Variants in LIN7A observed in about 807,000 individuals in gnomAD.
LIN7A encodes protein lin-7 homolog A.
A neutral mutation model predicts 29.8 loss-of-function variants in LIN7A; 25 were observed. That is an observed-to-expected ratio of 0.84 (90% CI 0.61 to 1.17). The LOEUF is 1.17. Ranked by LOEUF, LIN7A falls within the 50% of genes most tolerant of loss-of-function variation. The pLI is 0.00. For missense variants in LIN7A, 239 were observed against 287.0 expected, an observed-to-expected ratio of 0.83 and a Z score of 1.21; for synonymous variants, 118 against 107.5, an observed-to-expected ratio of 1.10 and a Z score of -0.60.
rs1592967362 is a variant in LIN7A, at chr12:80,937,750, G to A, written c.-28C>T. Reference sequence around the variant, plus strand: ...GCAACCGCTCGTAGTGAGAAAAAAAGGAGGAGATTGGGGGCGGGGGTGGAG... The same window carrying A: ...GCAACCGCTCGTAGTGAGAAAAAAAAGAGGAGATTGGGGGCGGGGGTGGAG... On this transcript the variant is annotated 5_prime_UTR_variant, in exon 1 of 6. Coordinates refer to ENST00000552864, the MANE Select transcript of LIN7A (RefSeq NM_004664.4). 9 of 1,396,916 alleles carry A rather than the reference G, an allele frequency of 6.4e-6. No individual in the cohort carries two copies. Among genetic ancestry groups the A allele is most frequent in the Non-Finnish European group, 8.6e-6 (9 of 1,048,528 alleles). The allele number at this position is 1,396,916 out of a possible 1,614,324, so 86.5% of individuals were successfully genotyped here. A position where few individuals can be genotyped will look rare whatever the true frequency, so the allele number is the denominator to read the frequency against.
rs779092060 is a variant in LIN7A at position 80,811,696 on chromosome 12, T to C, written c.484-13A>G. The C allele has an allele frequency of 4.4e-6, 7 of 1,593,754 alleles. No homozygotes were observed. Among genetic ancestry groups the C allele is most frequent in the Non-Finnish European group, 6.0e-6 (7 of 1,163,396 alleles). ...CTCCTTCCACACTCTGAAAATACAA[T>C]GACACTTCTTAAAGGGAGGAGGTTC... On this transcript the variant is annotated splice_polypyrimidine_tract_variant and intron_variant, in intron 4 of 5. Transcript: ENST00000552864.
intron 4 of LIN7A, among the ~76,000 whole-genome samples, chr12:80,841,098 A>G (rs140785681): frequency 2.6e-5 from 4 of 152,190 alleles, no homozygotes; most frequent in African/African-American, 9.6e-5. Flanking sequence ...CTTCTCCACT[A>G]TAAACAATTC....
chr12:80,922,734 A>G (rs1877378437), intron 1 of LIN7A, among the ~76,000 whole-genome samples: 1 of 152,196 alleles, frequency 6.6e-6, no homozygotes, highest in Non-Finnish European at 1.5e-5. Flanking sequence ...CTGTCCAAAA[A>G]TATTAAATGG....
intron 4 of LIN7A, among the ~76,000 whole-genome samples, chr12:80,836,297 G>T (rs974845326): frequency 6.6e-6 from 1 of 152,128 alleles, no homozygotes; most frequent in African/African-American, 2.4e-5. Flanking sequence ...TCTTTCTTAT[G>T]ATAACAGACT....
intron 1 of LIN7A, among the ~76,000 whole-genome samples, chr12:80,900,468 G>C (rs1347657231): frequency 6.6e-6 from 1 of 152,140 alleles, no homozygotes; most frequent in Non-Finnish European, 1.5e-5. Flanking sequence ...TTATATCCTT[G>C]TTCTCATCAG....
At chr12:80,834,250 A>G (rs1210512174) in intron 4 of LIN7A, among the ~76,000 whole-genome samples, 1 of 152,192 alleles carries the variant, frequency 6.6e-6, no homozygotes, top group African/African-American at 2.4e-5. Context: ...GCTAGATCAA[A>G]TCTTGTATAC....
At chr12:80,833,780 C>T (rs1483199312) in intron 4 of LIN7A, among the ~76,000 whole-genome samples, 1 of 152,132 alleles carries the variant, frequency 6.6e-6, no homozygotes, top group Non-Finnish European at 1.5e-5. Flanking sequence ...ACTATTAATC[C>T]TTTAAAATGC....
intron 5 of LIN7A, among the ~76,000 whole-genome samples, chr12:80,806,745 T>C (rs1164493255): frequency 6.6e-6 from 1 of 152,220 alleles, no homozygotes; most frequent in African/African-American, 2.4e-5. Flanking sequence ...GACAATCCCA[T>C]TTAGTCCTTA....
intron 4 of LIN7A, among the ~76,000 whole-genome samples, chr12:80,816,177 G>A (rs1484735809): frequency 1.3e-5 from 2 of 152,158 alleles, no homozygotes; most frequent in Non-Finnish European, 2.9e-5. Flanking sequence ...GAGGCAGGAA[G>A]GAAGATTGCC....
chr12:80,845,939 CCTG>C lies in LIN7A; in HGVS notation c.274-3_274-1del. On this transcript the variant is annotated splice_acceptor_variant and splice_polypyrimidine_tract_variant and intron_variant, in intron 3 of 5. Coordinates refer to ENST00000552864, the MANE Select transcript of LIN7A (RefSeq NM_004664.4). LOFTEE classifies it high-confidence loss of function. The stretch of plus-strand genomic sequence containing the variant: ...CTAGCTGCAAAAGCTGCAACTGTTG[CCTG>C]AAAAAAAAAAAAAAAGATGGTCTTT... 1 of 1,546,862 alleles carries C rather than the reference CCTG, an allele frequency of 6.5e-7. No homozygotes were observed. Among genetic ancestry groups the C allele is most frequent in the African/African-American group, 1.4e-5 (1 of 69,616 alleles).
intron 1 of LIN7A, among the ~76,000 whole-genome samples, chr12:80,903,387 T>C (rs1876320695): frequency 6.6e-6 from 1 of 152,044 alleles, no homozygotes; most frequent in Non-Finnish European, 1.5e-5. Flanking sequence ...CTCCAGTGTC[T>C]ATTATTCCAC....
intron 4 of LIN7A, among the ~76,000 whole-genome samples, chr12:80,840,615 T>C (rs994431199): frequency 6.6e-6 from 1 of 151,688 alleles, no homozygotes; most frequent in Non-Finnish European, 1.5e-5. Context: ...ATAAAACATA[T>C]TGTGTTAGAT....
chr12:80,917,306 T>C (rs1189689330), intron 1 of LIN7A, among the ~76,000 whole-genome samples: 2 of 152,164 alleles, frequency 1.3e-5, no homozygotes, highest in Non-Finnish European at 2.9e-5. Flanking sequence ...GCCAGCCATA[T>C]TAAGAATATT....
chr12:80,805,277 T>C (rs1870921338), intron 5 of LIN7A, among the ~76,000 whole-genome samples: 1 of 152,162 alleles, frequency 6.6e-6, no homozygotes, highest in Admixed American at 6.5e-5. Flanking sequence ...GAACTTGGTT[T>C]TCTTAGTGAC....
In LIN7A at chr12:80,811,686, GA is replaced by G. The variant is rs1470921492; in HGVS notation, c.484-4del. The stretch of plus-strand genomic sequence containing the variant: ...TCATGGTGTTCTCCTTCCACACTCT[GA>G]AAATACAATGACACTTCTTAAAGGG... On this transcript the variant is annotated splice_region_variant and splice_polypyrimidine_tract_variant and intron_variant, in intron 4 of 5. Coordinates refer to ENST00000552864, the MANE Select transcript of LIN7A (RefSeq NM_004664.4). 6 of 1,601,674 alleles carry G rather than the reference GA, an allele frequency of 3.7e-6. No individual in the cohort carries two copies. In the South Asian group the frequency reaches 6.6e-5, roughly 18 times the overall value.
chr12:80,894,714 G>A (rs1252188675), intron 1 of LIN7A, among the ~76,000 whole-genome samples: 1 of 152,050 alleles, frequency 6.6e-6, no homozygotes, highest in Non-Finnish European at 1.5e-5. Flanking sequence ...GCAGGAAGTG[G>A]TTCACAAATG....
intron 2 of LIN7A, among the ~76,000 whole-genome samples, chr12:80,859,284 G>T (rs1291340637): frequency 3.3e-5 from 5 of 152,132 alleles, no homozygotes; most frequent in African/African-American, 1.2e-4. Context: ...TGTAGGCTCA[G>T]GTTACAAAAG....
At chr12:80,865,093 A>G (rs1020759979) in intron 2 of LIN7A, among the ~76,000 whole-genome samples, 11 of 152,198 alleles carry the variant, frequency 7.2e-5, no homozygotes, top group African/African-American at 2.7e-4. Context: ...AGCATTAAAG[A>G]AAAACAACCT....
intron 1 of LIN7A, among the ~76,000 whole-genome samples, chr12:80,896,938 C>A (rs1234324937): frequency 6.6e-6 from 1 of 152,028 alleles, no homozygotes; most frequent in African/African-American, 2.4e-5. Flanking sequence ...GATTACCTAC[C>A]CAATAAGCAA....
Sources: gnomAD v4.1 joint callset for allele counts (sites outside exome capture counted in the v4.1 genomes callset) on GRCh38, gnomAD v4.1.1 for gene constraint, MANE v1.5 for transcripts, NCBI Gene and HGNC (gene_info 2026-07-23, HGNC 2026-07-21) for gene names.